The following ABHD18 variants were observed in gnomAD, a reference collection of about 807,000 sequenced individuals.
ABHD18 encodes the protein abhydrolase domain containing 18.
Under a neutral mutation model 65.9 loss-of-function variants are expected in ABHD18, and 55 were observed. The observed-to-expected ratio is 0.84, with a 90% CI of 0.67 to 1.05. ABHD18 has a LOEUF of 1.05. Among genes scored for constraint, ABHD18 ranks in the 50% least tolerant of loss-of-function variants. The pLI is 0.00. For synonymous variants in ABHD18, 181 were observed against 180.2 expected (o/e 1.00, Z -0.04); for missense variants, 533 against 558.5 (o/e 0.95, Z 0.46).
Position 128,012,737 on chromosome 4 carries a change from G to A in ABHD18, c.470+1037G>A, listed in dbSNP as rs577242217. On this transcript the variant is annotated intron_variant, in intron 7 of 12. Transcript: ENST00000645843. ...AGTAAATGAAAAGCCCAATGTAAGC[G>A]TCAGGAGGGGAGAGTAGTACAAGAT... 5.9e-5 allele frequency among the ~76,000 whole-genome samples: 9 copies of A among 152,070 alleles called. No individual in the cohort carries two copies. The East Asian group carries it at 7.7e-4, about 13-fold the overall frequency.
intron 8 of ABHD18, among the ~76,000 whole-genome samples, chr4:128,018,008 G>A (rs1204916527): frequency 6.6e-6 from 1 of 152,052 alleles, no homozygotes; most frequent in Non-Finnish European, 1.5e-5. Flanking sequence ...TCTTTGTTCT[G>A]TCTTGTTCAA....
At chr4:128,031,866 G>A (rs1388797424) in intron 12 of ABHD18, among the ~76,000 whole-genome samples, 2 of 152,186 alleles carry the variant, frequency 1.3e-5, no homozygotes, top group African/African-American at 4.8e-5. Context: ...TGGTGAGTGA[G>A]CAGACTATCC....
At chr4:127,979,284 G>A (rs539955986) in intron 1 of ABHD18, among the ~76,000 whole-genome samples, 3 of 152,016 alleles carry the variant, frequency 2.0e-5, no homozygotes, top group East Asian at 1.9e-4. Context: ...GGCTGGGCGC[G>A]GTGGCTCATG....
At chr4:128,024,895 T>C (rs1757109332) in intron 10 of ABHD18, among the ~76,000 whole-genome samples, 1 of 152,098 alleles carries the variant, frequency 6.6e-6, no homozygotes, top group African/African-American at 2.4e-5. Flanking sequence ...TTTCTCCATG[T>C]TGGTCGGGCT....
intron 10 of ABHD18, among the ~76,000 whole-genome samples, chr4:128,023,193 C>T (rs1319721581): frequency 2.6e-5 from 4 of 151,990 alleles, no homozygotes; most frequent in Non-Finnish European, 2.9e-5. Context: ...TCACTGTAAA[C>T]TTTACTCTTG....
At chr4:127,989,526 C>T (rs1750564621) in intron 3 of ABHD18, among the ~76,000 whole-genome samples, 195 bp from the exon 4 acceptor site, 1 of 152,058 alleles carries the variant, frequency 6.6e-6, no homozygotes, top group South Asian at 2.1e-4. Context: ...CAAAACATCA[C>T]ATGTACCCCA....
At chr4:128,016,027 C>T (rs1208820598) in intron 7 of ABHD18, among the ~76,000 whole-genome samples, 1 of 148,230 alleles carries the variant, frequency 6.7e-6, no homozygotes, top group Non-Finnish European at 1.5e-5. Context: ...ATCTCTGGCT[C>T]ACTGCAACCT....
At chr4:127,999,635 G>T (rs1395598580) in intron 4 of ABHD18, among the ~76,000 whole-genome samples, 1 of 152,020 alleles carries the variant, frequency 6.6e-6, no homozygotes, top group East Asian at 1.9e-4. Flanking sequence ...TTTTAGTGAG[G>T]TTATTTGGTT....
intron 4 of ABHD18, among the ~76,000 whole-genome samples, chr4:128,004,836 G>T (rs902927210): frequency 6.6e-6 from 1 of 152,002 alleles, no homozygotes; most frequent in African/African-American, 2.4e-5. Context: ...ACTTGAGCCC[G>T]GAGGTGGAGG....
intron 8 of ABHD18, among the ~76,000 whole-genome samples, chr4:128,019,001 G>A (rs1481713653): frequency 7.2e-6 from 1 of 138,914 alleles, no homozygotes; most frequent in Non-Finnish European, 1.5e-5. Flanking sequence ...GCAACAGAGT[G>A]AGACTACATC....
chr4:128,003,116 C>T (rs1036753185), intron 4 of ABHD18, among the ~76,000 whole-genome samples: 5 of 152,082 alleles, frequency 3.3e-5, no homozygotes, highest in Non-Finnish European at 7.4e-5. Flanking sequence ...CACCTGTAAT[C>T]CCAGCACTTT....
At chr4:127,992,781 T>G (rs1354076312) in intron 4 of ABHD18, among the ~76,000 whole-genome samples, 1 of 152,108 alleles carries the variant, frequency 6.6e-6, no homozygotes, top group East Asian at 1.9e-4. Flanking sequence ...TGGGCTCATG[T>G]GATCCTCCTG....
chr4:127,996,939 G>A (rs1751841839), intron 4 of ABHD18, among the ~76,000 whole-genome samples: 1 of 152,058 alleles, frequency 6.6e-6, no homozygotes, highest in Admixed American at 6.6e-5. Flanking sequence ...TCTTTTTCAG[G>A]GTGCACTGAT....
chr4:127,992,035 G>C (rs1172998562), intron 4 of ABHD18, among the ~76,000 whole-genome samples: 1 of 152,166 alleles, frequency 6.6e-6, no homozygotes, highest in East Asian at 1.9e-4. Flanking sequence ...AGTGGAAAGA[G>C]CTAGAACTTT....
At chr4:128,021,107 G>C in intron 9 of ABHD18, 30 bp from the exon 10 acceptor site, 1 of 1,395,658 alleles carries the variant, frequency 7.2e-7, no homozygotes, top group Non-Finnish European at 9.9e-7. Context: ...TTATGATGTG[G>C]TTTGATCTTA....
At chr4:128,003,955 A>C (rs528030237) in intron 4 of ABHD18, among the ~76,000 whole-genome samples, 12 of 150,536 alleles carry the variant, frequency 8.0e-5, no homozygotes, top group Non-Finnish European at 1.5e-5. Flanking sequence ...ATTTAAAAAA[A>C]AAAAAAACAA....
chr4:128,028,588 A>T lies in ABHD18; in HGVS notation c.915A>T (p.Gln305His). The T allele has an allele frequency of 6.2e-7, 1 of 1,613,848 alleles. No homozygotes were observed. Among genetic ancestry groups the T allele is most frequent in the Non-Finnish European group, 8.5e-7 (1 of 1,179,840 alleles). Residue 305 changes from glutamine to histidine, a missense_variant, in exon 11 of 13, where the codon CAA (glutamine) becomes CAT (histidine). Transcript: ENST00000645843. The stretch of plus-strand genomic sequence containing the variant: ...CTTTAAATTTAGATATATCAAACCA[A>T]GTTGTATCCCAAAAACCTGCTGACT... Reference protein sequence around the residue: ...SRTLNLDISNQVVSQKPADCH... With the variant: ...SRTLNLDISNHVVSQKPADCH...
intron 1 of ABHD18, among the ~76,000 whole-genome samples, chr4:127,971,392 A>G (rs932394830): frequency 2.0e-5 from 3 of 151,918 alleles, no homozygotes; most frequent in African/African-American, 7.3e-5. Context: ...AGGGAATAAA[A>G]TAATTAAAAT....
rs185214868 is a variant in ABHD18, at chr4:128,023,800, C to T, written c.801+2562C>T. 2.3e-3 allele frequency among the ~76,000 whole-genome samples: 351 copies of T among 152,260 alleles called. 4 individuals carry two copies. The highest frequency in any genetic ancestry group is 0.01 in the Middle Eastern group (3 of 294). On this transcript the variant is annotated intron_variant, in intron 10 of 12. Coordinates refer to ENST00000645843, the MANE Select transcript of ABHD18 (RefSeq NM_001358451.3). ...TCGGGAGGCTGAGGCAGGAGAATGG[C>T]GTGAACCCAGAAGGCAGAGCTTGCA...
Sources: gnomAD v4.1 joint callset for allele counts (sites outside exome capture counted in the v4.1 genomes callset) on GRCh38, gnomAD v4.1.1 for gene constraint, MANE v1.5 for transcripts, NCBI Gene and HGNC (gene_info 2026-07-23, HGNC 2026-07-21) for gene names.